DOK6: variants seen among roughly 807,000 people sequenced by gnomAD.
The protein encoded by DOK6 is docking protein 6.
Under a neutral mutation model 44.0 loss-of-function variants are expected in DOK6, and 22 were observed. That is an observed-to-expected ratio of 0.50 (90% CI 0.36 to 0.71). DOK6 has a LOEUF of 0.71. DOK6 is among the 30% of genes least tolerant of loss of function. The pLI is 0.00. For synonymous variants in DOK6, 166 were observed against 145.5 expected (o/e 1.14, Z -1.01); for missense variants, 340 against 416.4 (o/e 0.82, Z 1.60).
chr18:69,689,528 T>C (rs1986220277), intron 4 of DOK6, among the ~76,000 whole-genome samples: 2 of 152,210 alleles, frequency 1.3e-5, no homozygotes, highest in Non-Finnish European at 2.9e-5. Context: ...AAGACACTTA[T>C]AATGACTCGC....
intron 5 of DOK6, among the ~76,000 whole-genome samples, chr18:69,725,255 C>G (rs1340775516): frequency 6.6e-6 from 1 of 152,142 alleles, no homozygotes; most frequent in African/African-American, 2.4e-5. Context: ...AGCCTGCAGT[C>G]ACATACTTGG....
At chr18:69,592,759 C>G (rs1983650778) in intron 2 of DOK6, among the ~76,000 whole-genome samples, 1 of 151,896 alleles carries the variant, frequency 6.6e-6, no homozygotes, top group Admixed American at 6.6e-5. Context: ...TGTGAAAAAT[C>G]AATAATTTAA....
intron 1 of DOK6, among the ~76,000 whole-genome samples, chr18:69,501,555 C>T (rs527952833): frequency 5.9e-5 from 9 of 152,206 alleles, no homozygotes; most frequent in African/African-American, 2.2e-4. Flanking sequence ...CTTAGGTTTC[C>T]ACGTACTTGT....
At chr18:69,543,093 G>A (rs374190979) in intron 1 of DOK6, among the ~76,000 whole-genome samples, 5 of 151,560 alleles carry the variant, frequency 3.3e-5, no homozygotes, top group East Asian at 1.9e-4. Flanking sequence ...AGCAGACCCC[G>A]TAATGGCCTT....
intron 7 of DOK6, among the ~76,000 whole-genome samples, chr18:69,791,941 T>C (rs1365558417): frequency 6.6e-6 from 1 of 152,120 alleles, no homozygotes; most frequent in Non-Finnish European, 1.5e-5. Context: ...TGGTGAGAGA[T>C]AAGGATCTAG....
intron 1 of DOK6, among the ~76,000 whole-genome samples, chr18:69,485,590 C>A (rs139410058): frequency 6.6e-6 from 1 of 152,068 alleles, no homozygotes; most frequent in Non-Finnish European, 1.5e-5. Flanking sequence ...CCATTTTGTT[C>A]TAAGATCCTT....
intron 5 of DOK6, among the ~76,000 whole-genome samples, chr18:69,718,040 A>G (rs1300791529): frequency 6.6e-6 from 1 of 152,214 alleles, no homozygotes; most frequent in African/African-American, 2.4e-5. Flanking sequence ...CCCTTTTAAT[A>G]TAAGTTAGAA....
chr18:69,824,044 C>A (rs954915891), intron 7 of DOK6, among the ~76,000 whole-genome samples: 7 of 83,004 alleles, frequency 8.4e-5, no homozygotes, highest in African/African-American at 3.1e-4. Context: ...AGTTATTTTT[C>A]TTTTTTTTTA....
chr18:69,805,403 G>A (rs2145110260), intron 7 of DOK6, among the ~76,000 whole-genome samples: 1 of 152,220 alleles, frequency 6.6e-6, no homozygotes, highest in Middle Eastern at 3.4e-3. Flanking sequence ...TGAGTAATGA[G>A]AAATAATGGC....
chr18:69,788,687 TG>T (rs1247907673), intron 7 of DOK6, among the ~76,000 whole-genome samples: 1 of 152,150 alleles, frequency 6.6e-6, no homozygotes, highest in Non-Finnish European at 1.5e-5. Flanking sequence ...ATGTGTAAAT[TG>T]TAATCATAAT....
At chr18:69,460,516 A>G (rs1979758817) in intron 1 of DOK6, among the ~76,000 whole-genome samples, 1 of 152,172 alleles carries the variant, frequency 6.6e-6, no homozygotes, top group Non-Finnish European at 1.5e-5. Flanking sequence ...GATGAACTCA[A>G]TCAATGTATT....
chr18:69,516,847 T>TC (rs1981539774), intron 1 of DOK6, among the ~76,000 whole-genome samples: 2 of 150,872 alleles, frequency 1.3e-5, no homozygotes, highest in East Asian at 3.9e-4. Flanking sequence ...GGCTAATTTT[T>TC]TTTTTTTTTT....
At chr18:69,413,392 A>G (rs537594129) in intron 1 of DOK6, among the ~76,000 whole-genome samples, 2 of 152,248 alleles carry the variant, frequency 1.3e-5, no homozygotes, top group East Asian at 3.9e-4. Flanking sequence ...GGGGATTTGT[A>G]GGAGCTTTGA....
At chr18:69,813,620 G>T (rs932752321) in intron 7 of DOK6, among the ~76,000 whole-genome samples, 1 of 152,170 alleles carries the variant, frequency 6.6e-6, no homozygotes, top group African/African-American at 2.4e-5. Flanking sequence ...TAATAAGCAA[G>T]CTGGGTTTCA....
chr18:69,705,918 TAAAA>T lies in DOK6; in HGVS notation c.599+7336_599+7339del, dbSNP rs34296321. 3.8e-3 allele frequency among the ~76,000 whole-genome samples: 560 copies of T among 145,898 alleles called. 6 individuals carry two copies. The highest frequency in any genetic ancestry group is 0.014 in the African/African-American group (539 of 39,500). On this transcript the variant is annotated intron_variant, in intron 5 of 7. Coordinates refer to ENST00000382713, the MANE Select transcript of DOK6 (RefSeq NM_152721.6). ...CAGAAATCTTCTCCATAAATGTGAT[TAAAA>T]AAAAAAAAAACACTCCATTATTTCT...
chr18:69,661,810 A>G (rs901304191), intron 3 of DOK6: 2 of 152,216 alleles, frequency 1.3e-5, no homozygotes, highest in Non-Finnish European at 2.9e-5. Context: ...TACATAATAT[A>G]TGTAATGTGG....
rs1346963139 is a variant in DOK6, at chr18:69,762,677, A to C, written c.856+4804A>C. Among the ~76,000 whole-genome samples the C allele has an allele frequency of 2.0e-5, 3 of 152,256 alleles. 1 individual carries two copies. The highest frequency in any genetic ancestry group is 2.9e-5 in the Non-Finnish European group (2 of 68,048). On this transcript the variant is annotated intron_variant, in intron 7 of 7. Transcript: ENST00000382713. ...AAAGTTTAAGAGATTAAGATTCATT[A>C]ATAAGCAGCACATGTACTCAAAGTT...
intron 3 of DOK6, among the ~76,000 whole-genome samples, chr18:69,658,363 T>G (rs948810398): frequency 6.6e-6 from 1 of 152,186 alleles, no homozygotes; most frequent in Non-Finnish European, 1.5e-5. Context: ...TGTGAAATAG[T>G]GTCTATTTCT....
chr18:69,430,088 C>T lies in DOK6; in HGVS notation c.66+28778C>T, dbSNP rs1978760868. Reference sequence around the variant, plus strand: ...TTCAAAACTCTTAATTATCAAAAAGCTTTTAATCTGTAGAGGGACAATTAT... The same window carrying T: ...TTCAAAACTCTTAATTATCAAAAAGTTTTTAATCTGTAGAGGGACAATTAT... On this transcript the variant is annotated intron_variant, in intron 1 of 7. Transcript: ENST00000382713. 2.6e-5 allele frequency among the ~76,000 whole-genome samples: 4 copies of T among 152,024 alleles called. 1 individual carries two copies. The highest frequency in any genetic ancestry group is 2.6e-4 in the Admixed American group (4 of 15,270).
Sources: allele counts gnomAD v4.1 joint callset (sites outside exome capture counted in the v4.1 genomes callset), GRCh38; gene constraint gnomAD v4.1.1; transcripts MANE v1.5; gene names NCBI Gene and HGNC (gene_info 2026-07-23, HGNC 2026-07-21).